COMMD10: variants seen among roughly 807,000 people sequenced by gnomAD.
COMMD10 encodes COMM domain-containing protein 10.
In COMMD10, 33 loss-of-function variants were observed where a neutral mutation model predicts 28.9. The observed-to-expected ratio is 1.14, with a 90% confidence interval of 0.87 to 1.53. The LOEUF (loss-of-function observed/expected upper bound fraction) is 1.53, where lower values mean the gene tolerates loss of function less well. Ranked by LOEUF, COMMD10 falls within the 40% of genes most tolerant of loss-of-function variation. The pLI is 0.00. For synonymous variants in COMMD10, 110 were observed against 81.7 expected (o/e 1.35, Z -1.87); for missense variants, 310 against 233.4 (o/e 1.33, Z -2.14).
intron 5 of COMMD10, among the ~76,000 whole-genome samples, chr5:116,202,013 A>G (rs1396543664): frequency 1.3e-5 from 2 of 148,422 alleles, no homozygotes; most frequent in Admixed American, 6.7e-5. Context: ...CATTAGGTAT[A>G]TCTCCTAATG....
intron 5 of COMMD10, among the ~76,000 whole-genome samples, chr5:116,254,029 A>G (rs253965): frequency 0.5 from 76,105 of 151,862 alleles, 22,141 homozygotes; most frequent in Non-Finnish European, 0.66. Context: ...TTCTTGGGAG[A>G]GTATATGTGT....
At chr5:116,270,274 CTGTT>C (rs1171450277) in intron 5 of COMMD10, among the ~76,000 whole-genome samples, 1 of 151,736 alleles carries the variant, frequency 6.6e-6, no homozygotes, top group African/African-American at 2.4e-5. Flanking sequence ...GGGTTACAGG[CTGTT>C]TGTTATATTC....
chr5:116,231,262 ACTC>A (rs1749521183), intron 5 of COMMD10, among the ~76,000 whole-genome samples: 1 of 152,092 alleles, frequency 6.6e-6, no homozygotes, highest in Non-Finnish European at 1.5e-5. Context: ...TTTACCGACT[ACTC>A]ACTTGGAATT....
chr5:116,277,068 A>G (rs1261897690), intron 5 of COMMD10, among the ~76,000 whole-genome samples: 3 of 151,814 alleles, frequency 2.0e-5, no homozygotes, highest in Non-Finnish European at 4.4e-5. Flanking sequence ...CAAAAAATAT[A>G]AGTTAAATTC....
chr5:116,149,388 G>A lies in COMMD10; in HGVS notation c.510+15210G>A, dbSNP rs542090905. Among the ~76,000 whole-genome samples, 223 of 146,626 alleles carry A rather than the reference G, an allele frequency of 1.5e-3. 2 individuals are homozygous for A. Among genetic ancestry groups the A allele is most frequent in the African/African-American group, 5.4e-3 (209 of 38,450 alleles). On this transcript the variant is annotated intron_variant, in intron 5 of 6. Transcript: ENST00000274458. ...ATATACCGAGTAGTGGGATGGCTGG[G>A]TCAAATGGTATTTCTAGTTCTAGAT...
In COMMD10 at chr5:116,206,669, A is replaced by T. The variant is rs191805423; in HGVS notation, c.510+72491A>T. ...CTCCATCTCAAAAAAAGAAAAAAAG[A>T]AAAGAAAAAAATTGGAGACAGCTGT... On this transcript the variant is annotated intron_variant, in intron 5 of 6. Coordinates refer to ENST00000274458, the MANE Select transcript of COMMD10 (RefSeq NM_016144.4). Among the ~76,000 whole-genome samples the T allele has an allele frequency of 1.2e-3, 189 of 152,224 alleles. No individual in the cohort carries two copies. The Middle Eastern group carries it at 0.014, about 11-fold the overall frequency.
At chr5:116,157,939 C>CTTT (rs76882415) in intron 5 of COMMD10, among the ~76,000 whole-genome samples, 1 of 138,098 alleles carries the variant, frequency 7.2e-6, no homozygotes, top group African/African-American at 2.7e-5. Flanking sequence ...CTTTCCTTTA[C>CTTT]TTTTTTTTTT....
At chr5:116,178,707 T>C (rs1384056672) in intron 5 of COMMD10, among the ~76,000 whole-genome samples, 3 of 152,092 alleles carry the variant, frequency 2.0e-5, no homozygotes, top group Non-Finnish European at 4.4e-5. Flanking sequence ...GATGGGCCTT[T>C]TGCAGTTAGT....
rs186263657 is a variant in COMMD10, at chr5:116,155,856, C to G, written c.510+21678C>G. ...GAGCATTAATTATCTATTAATTTTCCTCATTTAGAACCATTAAATTTAATA... is the reference window on the plus strand; with the variant it reads ...GAGCATTAATTATCTATTAATTTTCGTCATTTAGAACCATTAAATTTAATA... On this transcript the variant is annotated intron_variant, in intron 5 of 6. Transcript: ENST00000274458. Among the ~76,000 whole-genome samples, 11 of 151,938 alleles carry G rather than the reference C, an allele frequency of 7.2e-5. No homozygotes were observed. The East Asian group carries it at 1.9e-3, about 27-fold the overall frequency.
intron 5 of COMMD10, among the ~76,000 whole-genome samples, chr5:116,285,322 C>T (rs1041177067): frequency 1.3e-5 from 2 of 151,916 alleles, no homozygotes; most frequent in Non-Finnish European, 2.9e-5. Flanking sequence ...TTTTTGGACT[C>T]CTTGGGATTC....
intron 4 of COMMD10, among the ~76,000 whole-genome samples, chr5:116,128,157 A>G (rs1225522481): frequency 6.6e-6 from 1 of 152,098 alleles, no homozygotes; most frequent in Admixed American, 6.6e-5. Context: ...GAGTTAATGT[A>G]GTAATTTTGT....
intron 2 of COMMD10, among the ~76,000 whole-genome samples, chr5:116,089,731 G>A (rs1215877414): frequency 6.6e-6 from 1 of 152,172 alleles, no homozygotes; most frequent in Non-Finnish European, 1.5e-5. Context: ...GAAGTTACCC[G>A]TCCTGCTGGC....
intron 5 of COMMD10, among the ~76,000 whole-genome samples, chr5:116,184,601 G>C (rs530915939): frequency 7.8e-4 from 119 of 152,154 alleles, no homozygotes; most frequent in African/African-American, 2.8e-3. Flanking sequence ...ACCTAAAAAA[G>C]CAGCGTCAAC....
chr5:116,154,765 T>C (rs1005469675), intron 5 of COMMD10, among the ~76,000 whole-genome samples: 2 of 144,782 alleles, frequency 1.4e-5, no homozygotes, highest in Non-Finnish European at 3.0e-5. Context: ...CACATACATT[T>C]TAAAGTGAGT....
chr5:116,237,163 C>G (rs1052804923), intron 5 of COMMD10, among the ~76,000 whole-genome samples: 2 of 152,120 alleles, frequency 1.3e-5, no homozygotes, highest in Middle Eastern at 3.4e-3. Flanking sequence ...CAGAATGTCT[C>G]TGATATGTTT....
chr5:116,224,868 C>A (rs1749351765), intron 5 of COMMD10, among the ~76,000 whole-genome samples: 2 of 152,158 alleles, frequency 1.3e-5, no homozygotes, highest in Non-Finnish European at 2.9e-5. Context: ...TTTGATAGTT[C>A]ATGGTTCTGT....
chr5:116,188,574 T>G (rs1748224787), intron 5 of COMMD10: 2 of 150,092 alleles, frequency 1.3e-5, no homozygotes, highest in Non-Finnish European at 3.0e-5. Context: ...CTTTCTTTCT[T>G]CTTTCTTTCT....
At chr5:116,121,131 C>T (rs1346068719) in intron 4 of COMMD10, among the ~76,000 whole-genome samples, 1 of 152,132 alleles carries the variant, frequency 6.6e-6, no homozygotes, top group Non-Finnish European at 1.5e-5. Context: ...CTCCTTCCCC[C>T]TGCCCCCCAC....
At chr5:116,201,673 G>A (rs1436903488) in intron 5 of COMMD10, among the ~76,000 whole-genome samples, 61 of 152,152 alleles carry the variant, frequency 4.0e-4, no homozygotes, top group African/African-American at 1.2e-3. Flanking sequence ...CTTCTTACAT[G>A]CCAGACCAGA....
Sources: allele counts gnomAD v4.1 joint callset (sites outside exome capture counted in the v4.1 genomes callset), GRCh38; gene constraint gnomAD v4.1.1; transcripts MANE v1.5; gene names NCBI Gene and HGNC (gene_info 2026-07-23, HGNC 2026-07-21).